BCL11A: variants seen among roughly 807,000 people sequenced by gnomAD.
BCL11A encodes B cell CLL/lymphoma 11A.
Under a neutral mutation model 55.9 loss-of-function variants are expected in BCL11A, and 2 were observed. That is an observed-to-expected ratio of 0.04 (90% CI 0.01 to 0.11). BCL11A has a LOEUF of 0.11. Among genes scored for constraint, BCL11A ranks in the 10% least tolerant of loss-of-function variants. BCL11A has a pLI of 1.00. For synonymous variants in BCL11A, 465 were observed against 473.4 expected (o/e 0.98, Z 0.23); for missense variants, 817 against 1,137.1 (o/e 0.72, Z 4.05).
chr2:60,510,005 C>T (rs1305861728), intron 2 of BCL11A, among the ~76,000 whole-genome samples: 1 of 152,196 alleles, frequency 6.6e-6, no homozygotes, highest in Non-Finnish European at 1.5e-5. Context: ...TCCCACCAGT[C>T]AGCAAATCCT....
chr2:60,501,617 C>T (rs1034797460), intron 2 of BCL11A, among the ~76,000 whole-genome samples: 9 of 151,164 alleles, frequency 6.0e-5, no homozygotes, highest in Non-Finnish European at 1.5e-5. Flanking sequence ...AGCAATTCTC[C>T]TCCCTCAGCC....
Position 60,461,661 on chromosome 2 carries a change from G to A in BCL11A, c.1251C>T (p.Ala417=). The A allele has an allele frequency of 6.2e-7, 1 of 1,613,986 alleles. No homozygotes were observed. Among genetic ancestry groups the A allele is most frequent in the African/African-American group, 1.3e-5 (1 of 75,076 alleles). ...CNLCDHACTQ[A]SKLKRHMKTH... ...TCTTCATGTGGCGCTTCAGCTTGCTGGCCTGGGTGCACGCGTGGTCGCACA... is the reference window on the plus strand; with the variant it reads ...TCTTCATGTGGCGCTTCAGCTTGCTAGCCTGGGTGCACGCGTGGTCGCACA... The change falls in exon 4 of 4, where the codon GCC becomes GCT. Residue 417 remains alanine (A), a synonymous_variant. Transcript: ENST00000642384.
At chr2:60,532,051 C>T (rs1304764799) in intron 2 of BCL11A, among the ~76,000 whole-genome samples, 1 of 152,172 alleles carries the variant, frequency 6.6e-6, no homozygotes, top group Non-Finnish European at 1.5e-5. Flanking sequence ...CAGCCTCACG[C>T]CTCACCCCAG....
chr2:60,485,949 G>A (rs1248381999), intron 2 of BCL11A, among the ~76,000 whole-genome samples: 1 of 152,116 alleles, frequency 6.6e-6, no homozygotes, highest in Non-Finnish European at 1.5e-5. Flanking sequence ...GCACATTTTA[G>A]TTTCCTTCCC....
At chr2:60,463,521 G>A (rs537794420) in intron 3 of BCL11A, among the ~76,000 whole-genome samples, 46 of 152,326 alleles carry the variant, frequency 3.0e-4, no homozygotes, top group Admixed American at 2.3e-3. Flanking sequence ...TAGCCAAGCC[G>A]TCTGGAGAGG....
chr2:60,458,138 G>C lies in BCL11A; in HGVS notation c.*2266C>G. ...ATAAATACTATAGTGCCTAACACTA[G>C]ATGAACATTTAATTCAAATACCATT... On this transcript the variant is annotated 3_prime_UTR_variant, in exon 4 of 4. Coordinates refer to ENST00000642384, the MANE Select transcript of BCL11A (RefSeq NM_022893.4). The C allele has an allele frequency of 4.9e-6, 5 of 1,027,040 alleles. No individual in the cohort carries two copies. Among genetic ancestry groups the C allele is most frequent in the Non-Finnish European group, 5.9e-6 (5 of 854,176 alleles). 63.6% of individuals were successfully genotyped at this position (1,027,040 alleles called of 1,614,324 possible). A position where few individuals can be genotyped will look rare whatever the true frequency, so the allele number is the denominator to read the frequency against.
At chr2:60,488,530 G>A (rs1678422034) in intron 2 of BCL11A, among the ~76,000 whole-genome samples, 1 of 152,186 alleles carries the variant, frequency 6.6e-6, no homozygotes, top group Admixed American at 6.5e-5. Context: ...ACAGAACTCA[G>A]TGCTACTTAT....
chr2:60,474,308 T>TC (rs1156693992), intron 2 of BCL11A, among the ~76,000 whole-genome samples: 1 of 148,264 alleles, frequency 6.7e-6, no homozygotes, highest in Non-Finnish European at 1.5e-5. Context: ...AGCATATAAT[T>TC]CCAAAAAAAA....
At chr2:60,518,847 T>C (rs1388023589) in intron 2 of BCL11A, among the ~76,000 whole-genome samples, 1 of 152,188 alleles carries the variant, frequency 6.6e-6, no homozygotes, top group East Asian at 1.9e-4. Flanking sequence ...ATGGTGTTGC[T>C]CGATGGGCAA....
intron 3 of BCL11A, among the ~76,000 whole-genome samples, chr2:60,465,997 A>G (rs960683607): frequency 6.6e-6 from 1 of 152,176 alleles, no homozygotes; most frequent in African/African-American, 2.4e-5. Context: ...AGCCAGGGGC[A>G]GCAGGTTAAT....
downstream of BCL11A, among the ~76,000 whole-genome samples, chr2:60,454,955 A>G (rs1263930753): frequency 6.6e-6 from 1 of 152,222 alleles, no homozygotes; most frequent in Non-Finnish European, 1.5e-5. Context: ...ACTTTCTGCC[A>G]TGGCCAGTGC....
chr2:60,507,957 G>A (rs1002843535), intron 2 of BCL11A, among the ~76,000 whole-genome samples: 10 of 152,158 alleles, frequency 6.6e-5, no homozygotes, highest in East Asian at 1.9e-4. Context: ...TATTACACAC[G>A]CAGATTTCTA....
chr2:60,523,769 G>A (rs1159778119), intron 2 of BCL11A, among the ~76,000 whole-genome samples: 1 of 151,734 alleles, frequency 6.6e-6, no homozygotes, highest in Non-Finnish European at 1.5e-5. Flanking sequence ...GAAATCATAC[G>A]AGCACACAGG....
At chr2:60,456,092 T>A (rs1325206690), downstream of BCL11A, among the ~76,000 whole-genome samples, 1 of 152,094 alleles carries the variant, frequency 6.6e-6, no homozygotes, top group Non-Finnish European at 1.5e-5. Flanking sequence ...TCTTTATACT[T>A]TAGAAAGATA....
At chr2:60,454,934 A>G (rs141961069), downstream of BCL11A, among the ~76,000 whole-genome samples, 887 of 152,346 alleles carry the variant, frequency 5.8e-3, 6 homozygotes, top group African/African-American at 0.02. Context: ...GGAAAAACTC[A>G]ACTACTTCAC....
In BCL11A at chr2:60,546,513, A is replaced by T; in HGVS notation, c.56-213T>A. 1.8e-6 allele frequency: 1 copy of T among 559,904 alleles called. No individual in the cohort carries two copies. The highest frequency in any genetic ancestry group is 3.2e-6 in the Non-Finnish European group (1 of 314,218). 34.7% of individuals were successfully genotyped at this position (559,904 alleles called of 1,614,324 possible). A position where few individuals can be genotyped will look rare whatever the true frequency, so the allele number is the denominator to read the frequency against. ...ATTTGTCAATGAGGCAAATCATCAC[A>T]TATGTAAAGAAAACAGTCTTCCTTG... On this transcript the variant is annotated intron_variant, in intron 1 of 3. Transcript: ENST00000642384. This position sits in a 1 kb window ranked among gnomAD's most constrained non-coding sequence, Gnocchi z 4.1.
At chr2:60,529,360 T>C (rs942528717) in intron 2 of BCL11A, among the ~76,000 whole-genome samples, 19 of 152,132 alleles carry the variant, frequency 1.2e-4, no homozygotes, top group Admixed American at 3.9e-4. Context: ...ACTTTACAGA[T>C]TGAGGAAGCG....
At chr2:60,496,770 G>A (rs45474996) in intron 2 of BCL11A, among the ~76,000 whole-genome samples, 10,779 of 133,732 alleles carry the variant, frequency 0.081, 506 homozygotes, top group Non-Finnish European at 0.12. Context: ...GTTCCACTGT[G>A]AGTGCTCTCT....
intron 2 of BCL11A, among the ~76,000 whole-genome samples, chr2:60,493,011 T>A (rs1366357430): frequency 6.6e-6 from 1 of 152,126 alleles, no homozygotes; most frequent in Admixed American, 6.5e-5. Flanking sequence ...ACCCCTTCCT[T>A]CTAACCACTG....
Sources: gnomAD v4.1 joint callset for allele counts (sites outside exome capture counted in the v4.1 genomes callset) on GRCh38, gnomAD v4.1.1 for gene constraint, Gnocchi (gnomAD v3.1) non-coding constraint, MANE v1.5 for transcripts, NCBI Gene and HGNC (gene_info 2026-07-23, HGNC 2026-07-21) for gene names.